PRKN: variants seen among roughly 807,000 people sequenced by gnomAD.
The protein encoded by PRKN is parkin RBR E3 ubiquitin protein ligase.
A neutral mutation model predicts 59.5 loss-of-function variants in PRKN; 56 were observed. That is an observed-to-expected ratio of 0.94 (90% CI 0.76 to 1.18). The LOEUF (loss-of-function observed/expected upper bound fraction) is 1.18, where lower values mean the gene tolerates loss of function less well. Among genes scored for constraint, PRKN ranks in the 50% most tolerant of loss-of-function variants. The probability of loss-of-function intolerance (pLI) is 0.00; values close to 1 mark genes in which losing one functional copy is unlikely to be tolerated. For missense variants in PRKN, 657 were observed against 596.4 expected, an observed-to-expected ratio of 1.10 and a Z score of -1.06; for synonymous variants, 250 against 222.1, an observed-to-expected ratio of 1.13 and a Z score of -1.12.
intron 6 of PRKN, among the ~76,000 whole-genome samples, chr6:161,958,846 C>G (rs1780276175): frequency 6.7e-6 from 1 of 149,554 alleles, no homozygotes; most frequent in Admixed American, 6.7e-5. Context: ...TGCCATTGAC[C>G]TCTGAACTGG....
At chr6:161,740,360 C>T (rs541218744) in intron 7 of PRKN, among the ~76,000 whole-genome samples, 132 of 152,284 alleles carry the variant, frequency 8.7e-4, no homozygotes, top group Non-Finnish European at 1.7e-3. Context: ...CCCTGCATTT[C>T]CTGAGGCCTG....
intron 3 of PRKN, among the ~76,000 whole-genome samples, chr6:162,260,878 A>G (rs764462394): frequency 1.1e-4 from 16 of 152,224 alleles, no homozygotes; most frequent in South Asian, 1.0e-3. Flanking sequence ...CTAACATAAT[A>G]AATCCAATCT....
At chr6:162,573,722 A>C (rs1349274318) in intron 1 of PRKN, among the ~76,000 whole-genome samples, 2 of 152,104 alleles carry the variant, frequency 1.3e-5, no homozygotes, top group Non-Finnish European at 2.9e-5. Flanking sequence ...ATCTTTCCGT[A>C]CTTTTCTCTT....
intron 1 of PRKN, among the ~76,000 whole-genome samples, chr6:162,447,815 C>T (rs1340085251): frequency 6.6e-6 from 1 of 152,112 alleles, no homozygotes; most frequent in East Asian, 1.9e-4. Flanking sequence ...CAGCACAGCC[C>T]CATCCTCCTT....
In PRKN at chr6:161,483,275, G is replaced by A. The variant is rs1459358880; in HGVS notation, c.1083+65579C>T. Reference sequence around the variant, plus strand: ...CTATTTTCATAGCTATGCATTAATTGACTGAATTGGCTTTGTATTTCAGGC... The same window carrying A: ...CTATTTTCATAGCTATGCATTAATTAACTGAATTGGCTTTGTATTTCAGGC... On this transcript the variant is annotated intron_variant, in intron 9 of 11. Transcript: ENST00000366898. The surrounding 1 kb of genome is among the most constrained non-coding windows in gnomAD (Gnocchi z 5.0). 2.0e-5 allele frequency among the ~76,000 whole-genome samples: 3 copies of A among 151,794 alleles called. No individual in the cohort carries two copies. The highest frequency in any genetic ancestry group is 2.0e-4 in the Admixed American group (3 of 15,240).
intron 1 of PRKN, among the ~76,000 whole-genome samples, chr6:162,664,599 C>T (rs1180889567): frequency 6.6e-6 from 1 of 152,030 alleles, no homozygotes; most frequent in Non-Finnish European, 1.5e-5. Flanking sequence ...ACTGGCGTGG[C>T]ATGGTATCTC....
At chr6:162,578,409 G>A (rs1336534425) in intron 1 of PRKN, among the ~76,000 whole-genome samples, 1 of 152,142 alleles carries the variant, frequency 6.6e-6, no homozygotes, top group African/African-American at 2.4e-5. Flanking sequence ...TTAACAGTCT[G>A]GGGCCGGGCA....
chr6:162,571,701 G>A (rs887718474), intron 1 of PRKN, among the ~76,000 whole-genome samples: 3 of 152,124 alleles, frequency 2.0e-5, no homozygotes, highest in Admixed American at 1.3e-4. Context: ...CAGGAGCAAG[G>A]TGCCTGAGCT....
At chr6:162,361,107 G>C (rs1785113068) in intron 2 of PRKN, among the ~76,000 whole-genome samples, 1 of 152,098 alleles carries the variant, frequency 6.6e-6, no homozygotes, top group African/African-American at 2.4e-5. Flanking sequence ...CATCTTCTTA[G>C]CTGGGAAGAC....
intron 6 of PRKN, among the ~76,000 whole-genome samples, chr6:161,796,453 T>C (rs982798324): frequency 6.6e-6 from 1 of 152,220 alleles, no homozygotes; most frequent in African/African-American, 2.4e-5. Context: ...GAGGCTTTTA[T>C]ACTAGAAAAC....
chr6:162,439,960 G>A (rs576816931), intron 2 of PRKN, among the ~76,000 whole-genome samples: 14 of 152,168 alleles, frequency 9.2e-5, no homozygotes, highest in African/African-American at 1.4e-4. Flanking sequence ...TCTACATAGC[G>A]GTTGGCACCC....
At position 161,401,341 on chromosome 6, in the gene PRKN, T is replaced by C. The variant is rs1787041692; in HGVS notation, c.1084-14464A>G. On this transcript the variant is annotated intron_variant, in intron 9 of 11. Transcript: ENST00000366898. This position sits in a 1 kb window ranked among gnomAD's most constrained non-coding sequence, Gnocchi z 4.4. ...AAAAGTTAGAGTTGGCCGGGCATGG[T>C]GGCTCACATCTGTAATCCCAGCACT... 6.6e-6 allele frequency among the ~76,000 whole-genome samples: 1 copy of C among 152,192 alleles called. No homozygotes were observed. Among genetic ancestry groups the C allele is most frequent in the South Asian group, 2.1e-4 (1 of 4,830 alleles).
chr6:162,281,508 C>G (rs1304052015), intron 2 of PRKN, among the ~76,000 whole-genome samples: 3 of 151,970 alleles, frequency 2.0e-5, no homozygotes, highest in Non-Finnish European at 4.4e-5. Context: ...GTCATGAATT[C>G]AGCTATCTAA....
intron 1 of PRKN, among the ~76,000 whole-genome samples, chr6:162,490,360 A>C (rs1792752322): frequency 6.6e-6 from 1 of 152,228 alleles, no homozygotes; most frequent in African/African-American, 2.4e-5. Context: ...TCACAGAAGA[A>C]ATAAACATTT....
chr6:162,682,121 A>G (rs1411489846), intron 1 of PRKN, among the ~76,000 whole-genome samples: 1 of 152,114 alleles, frequency 6.6e-6, no homozygotes, highest in Non-Finnish European at 1.5e-5. Context: ...TCTACCAGAG[A>G]TTTTCAAAAA....
At chr6:161,691,207 T>C (rs989361357) in intron 7 of PRKN, among the ~76,000 whole-genome samples, 4 of 152,222 alleles carry the variant, frequency 2.6e-5, no homozygotes, top group African/African-American at 7.2e-5. Context: ...TTCCACATAC[T>C]GCAGTCTACC....
At chr6:161,433,053 T>C (rs905341607) in intron 9 of PRKN, among the ~76,000 whole-genome samples, 2 of 152,198 alleles carry the variant, frequency 1.3e-5, no homozygotes, top group African/African-American at 4.8e-5. Context: ...TCTTTGTTCC[T>C]GAAGATTTTG....
chr6:162,002,536 T>C (rs1262237481), intron 5 of PRKN, among the ~76,000 whole-genome samples: 1 of 151,936 alleles, frequency 6.6e-6, no homozygotes, highest in Non-Finnish European at 1.5e-5. Flanking sequence ...CCTTTCTTAC[T>C]TAACATGGAT....
At chr6:162,258,696 GC>G (rs1289000611) in intron 3 of PRKN, among the ~76,000 whole-genome samples, 3 of 152,190 alleles carry the variant, frequency 2.0e-5, no homozygotes, top group Non-Finnish European at 2.9e-5. Context: ...ACTGGTCTGG[GC>G]CCAGTCATCT....
Sources: gnomAD v4.1 joint callset for allele counts (sites outside exome capture counted in the v4.1 genomes callset) on GRCh38, gnomAD v4.1.1 for gene constraint, Gnocchi (gnomAD v3.1) non-coding constraint, MANE v1.5 for transcripts, NCBI Gene and HGNC (gene_info 2026-07-23, HGNC 2026-07-21) for gene names.